The following EPHA6 variants were observed in gnomAD, a reference collection of about 807,000 sequenced individuals.
EPHA6 encodes EPH receptor A6, also known as ephrin type-A receptor 6.
Under a neutral mutation model 112.0 loss-of-function variants are expected in EPHA6, and 50 were observed. The ratio of observed to expected loss-of-function variants is 0.45; its 90% CI spans 0.36 to 0.56. The LOEUF (loss-of-function observed/expected upper bound fraction) is 0.56, where lower values mean the gene tolerates loss of function less well. Ranked by LOEUF, EPHA6 falls within the 20% of genes least tolerant of loss-of-function variation. EPHA6 has a pLI of 0.00. For missense variants in EPHA6, 1,280 were observed against 1,417.4 expected (o/e 0.90, Z 1.56); for synonymous variants, 529 against 490.7 (o/e 1.08, Z -1.03).
chr3:96,815,699 G>C (rs1172622836), intron 1 of EPHA6, among the ~76,000 whole-genome samples: 4 of 152,086 alleles, frequency 2.6e-5, no homozygotes, highest in African/African-American at 7.2e-5. Flanking sequence ...TGTTTCGGTG[G>C]GTAAAGTGGT....
At chr3:96,887,144 G>C (rs189936446) in intron 2 of EPHA6, among the ~76,000 whole-genome samples, 36 of 152,150 alleles carry the variant, frequency 2.4e-4, no homozygotes, top group Admixed American at 9.8e-4. Context: ...ATTTGGTTGG[G>C]GGGGCGAGGT....
chr3:97,353,623 C>T (rs1389404319), intron 5 of EPHA6, among the ~76,000 whole-genome samples: 1 of 152,088 alleles, frequency 6.6e-6, no homozygotes, highest in South Asian at 2.1e-4. Flanking sequence ...AGTCCCAAGT[C>T]GATCCCTAAG....
intron 5 of EPHA6, among the ~76,000 whole-genome samples, chr3:97,326,668 A>G (rs2082439085): frequency 2.0e-5 from 3 of 152,090 alleles, no homozygotes; most frequent in African/African-American, 7.2e-5. Context: ...GGTTTCAGTC[A>G]AGCAAATGGT....
At chr3:97,617,764 C>T (rs984175312) in intron 13 of EPHA6, among the ~76,000 whole-genome samples, 14 of 152,256 alleles carry the variant, frequency 9.2e-5, no homozygotes, top group African/African-American at 2.9e-4. Context: ...AACACAGGAG[C>T]GCTCAGATTC....
intron 3 of EPHA6, among the ~76,000 whole-genome samples, chr3:97,078,165 C>T (rs1324013911): frequency 6.6e-6 from 1 of 152,052 alleles, no homozygotes; most frequent in Non-Finnish European, 1.5e-5. Flanking sequence ...CATTTTTTCA[C>T]ATGTCTGTTG....
intron 6 of EPHA6, among the ~76,000 whole-genome samples, chr3:97,446,778 C>T (rs1159740486): frequency 2.6e-5 from 4 of 152,074 alleles, no homozygotes; most frequent in Non-Finnish European, 5.9e-5. Context: ...TATTTTTTCT[C>T]CACAATATGT....
intron 3 of EPHA6, among the ~76,000 whole-genome samples, chr3:96,993,562 C>G (rs116740796): frequency 6.6e-6 from 1 of 152,062 alleles, no homozygotes; most frequent in African/African-American, 2.4e-5. Context: ...CTTTCATTTC[C>G]TCATTCCAGA....
intron 3 of EPHA6, among the ~76,000 whole-genome samples, chr3:97,176,844 T>A (rs533138968): frequency 6.6e-6 from 1 of 151,894 alleles, no homozygotes; most frequent in Admixed American, 6.6e-5. Flanking sequence ...ATGAGCTTTC[T>A]GTTTCATTGA....
rs144865526 is a variant in EPHA6, at chr3:96,876,673, A to G, written c.450+9784A>G. Among the ~76,000 whole-genome samples, 71 of 152,054 alleles carry G rather than the reference A, an allele frequency of 4.7e-4. 1 individual carries two copies. In the East Asian group the frequency reaches 7.6e-3, roughly 16 times the overall value. ...GCCACCTCCACTTTCCAGCTTTTTCAAAAAAGACCTTTTTGGTAGTTTCTT... is the reference window on the plus strand; with the variant it reads ...GCCACCTCCACTTTCCAGCTTTTTCGAAAAAGACCTTTTTGGTAGTTTCTT... On this transcript the variant is annotated intron_variant, in intron 2 of 17. Transcript: ENST00000389672.
chr3:96,923,776 C>CT (rs1182036611), intron 2 of EPHA6, among the ~76,000 whole-genome samples: 1 of 152,138 alleles, frequency 6.6e-6, no homozygotes, highest in African/African-American at 2.4e-5. Flanking sequence ...ACATTTAAGC[C>CT]TTTAATCCAT....
At chr3:97,143,389 T>A (rs1376717907) in intron 3 of EPHA6, among the ~76,000 whole-genome samples, 1 of 151,822 alleles carries the variant, frequency 6.6e-6, no homozygotes, top group Non-Finnish European at 1.5e-5. Context: ...AACCATGTGA[T>A]AACTTCCTTA....
At chr3:97,123,436 C>A (rs1322694938) in intron 3 of EPHA6, among the ~76,000 whole-genome samples, 8 of 152,080 alleles carry the variant, frequency 5.3e-5, no homozygotes, top group Non-Finnish European at 1.0e-4. Context: ...GCATCGACAT[C>A]TGTCTTTCCC....
At chr3:97,651,452 A>G (rs1375647271) in intron 14 of EPHA6, among the ~76,000 whole-genome samples, 1 of 152,078 alleles carries the variant, frequency 6.6e-6, no homozygotes, top group East Asian at 1.9e-4. Flanking sequence ...AAGATCCAAT[A>G]AAAATGATTT....
chr3:96,974,292 T>C (rs935960793), intron 2 of EPHA6, among the ~76,000 whole-genome samples: 6 of 149,276 alleles, frequency 4.0e-5, no homozygotes, highest in African/African-American at 1.5e-4. Flanking sequence ...TTTAGCTTGC[T>C]ATGGAAATGA....
In EPHA6 at chr3:97,752,793, T is replaced by A. The variant is rs561266017; in HGVS notation, c.*4092T>A. Among the ~76,000 whole-genome samples, 4 of 152,180 alleles carry A rather than the reference T, an allele frequency of 2.6e-5. No individual in the cohort carries two copies. The highest frequency in any genetic ancestry group is 4.8e-5 in the African/African-American group (2 of 41,568). On this transcript the variant is annotated 3_prime_UTR_variant, in exon 18 of 18. Transcript: ENST00000389672. ...CTAAGGAAGTTTATTATTAATATTT[T>A]AAAAATTAGTATTTTAAGATCAATA...
At chr3:97,611,322 T>C (rs78508541) in intron 13 of EPHA6, among the ~76,000 whole-genome samples, 14 of 152,004 alleles carry the variant, frequency 9.2e-5, no homozygotes, top group Non-Finnish European at 1.8e-4. Flanking sequence ...CTTCAGTTCA[T>C]TTGGCTGACT....
chr3:97,021,198 A>G (rs1559674530), intron 3 of EPHA6, among the ~76,000 whole-genome samples: 1 of 152,160 alleles, frequency 6.6e-6, no homozygotes, highest in African/African-American at 2.4e-5. Context: ...GTATAGCCTA[A>G]CAGTTCCACA....
chr3:96,963,342 A>T (rs1177949861), intron 2 of EPHA6, among the ~76,000 whole-genome samples: 1 of 152,134 alleles, frequency 6.6e-6, no homozygotes, highest in East Asian at 1.9e-4. Context: ...AAATTAGGCT[A>T]ACTTGGATTT....
chr3:97,478,856 C>T (rs1182351427), intron 8 of EPHA6, among the ~76,000 whole-genome samples: 4 of 151,916 alleles, frequency 2.6e-5, no homozygotes, highest in African/African-American at 9.7e-5. Context: ...CAGAGGGAGA[C>T]TAGAACATGC....
Sources: allele counts gnomAD v4.1 joint callset (sites outside exome capture counted in the v4.1 genomes callset), GRCh38; gene constraint gnomAD v4.1.1; transcripts MANE v1.5; gene names NCBI Gene and HGNC (gene_info 2026-07-23, HGNC 2026-07-21).